Variants in VMP1 observed in about 807,000 individuals in gnomAD.
The protein encoded by VMP1 is ectopic P-granules autophagy protein 3 homolog.
In VMP1, 11 loss-of-function variants were observed where a neutral mutation model predicts 56.0. That is an observed-to-expected ratio of 0.20 (90% confidence interval 0.12 to 0.32). The LOEUF is 0.32. VMP1 is among the 10% of genes least tolerant of loss of function. The probability of loss-of-function intolerance (pLI) is 1.00; values close to 1 mark genes in which losing one functional copy is unlikely to be tolerated. For synonymous variants in VMP1, 149 were observed against 165.0 expected (o/e 0.90, Z 0.74); for missense variants, 296 against 490.3 (o/e 0.60, Z 3.74).
intron 3 of VMP1, among the ~76,000 whole-genome samples, chr17:59,736,113 A>G (rs1473001428): frequency 1.3e-5 from 2 of 152,168 alleles, no homozygotes; most frequent in African/African-American, 4.8e-5. Context: ...AAACAAGTAC[A>G]TTATTATAAA....
At chr17:59,779,815 C>T (rs1463317206) in intron 7 of VMP1, among the ~76,000 whole-genome samples, 2 of 152,150 alleles carry the variant, frequency 1.3e-5, no homozygotes, top group Non-Finnish European at 2.9e-5. Context: ...GAGTAGAAGA[C>T]TTATTTCATT....
intron 11 of VMP1, chr17:59,839,143 TGC>T (rs1598474583): frequency 6.6e-6 from 1 of 152,660 alleles, no homozygotes; most frequent in East Asian, 1.9e-4. Flanking sequence ...TCCAGGCACG[TGC>T]CACCACACCA....
At chr17:59,775,950 T>C (rs1347746017) in intron 7 of VMP1, among the ~76,000 whole-genome samples, 1 of 152,142 alleles carries the variant, frequency 6.6e-6, no homozygotes, top group East Asian at 1.9e-4. Context: ...TTTTTAAAAA[T>C]GCATTATTAC....
intron 10 of VMP1, among the ~76,000 whole-genome samples, chr17:59,824,666 A>C (rs1231266975): frequency 6.9e-6 from 1 of 144,474 alleles, no homozygotes; most frequent in Non-Finnish European, 1.5e-5. Flanking sequence ...TGAGGTCAGG[A>C]GTTCAAGACC....
intron 5 of VMP1, among the ~76,000 whole-genome samples, chr17:59,754,978 G>GCCCCCCCCCCCC (rs10646812): frequency 7.7e-6 from 1 of 129,968 alleles, no homozygotes; most frequent in Non-Finnish European, 1.6e-5. Context: ...ATTTATACTA[G>GCCCCCCCCCCCC]CCCCCCCCGC....
At chr17:59,809,781 C>T (rs937350427) in intron 8 of VMP1, among the ~76,000 whole-genome samples, 44 of 152,014 alleles carry the variant, frequency 2.9e-4, no homozygotes, top group Non-Finnish European at 5.4e-4. Context: ...ACTGGGATTA[C>T]AGGTGTGAGC....
At chr17:59,744,380 T>A (rs1375361414) in intron 5 of VMP1, among the ~76,000 whole-genome samples, 3 of 146,030 alleles carry the variant, frequency 2.1e-5, no homozygotes, top group Non-Finnish European at 4.5e-5. Context: ...GAGAATCAGT[T>A]GAACCCAGGA....
intron 7 of VMP1, among the ~76,000 whole-genome samples, chr17:59,800,655 G>A (rs1414507110): frequency 1.3e-5 from 2 of 152,166 alleles, no homozygotes; most frequent in African/African-American, 4.8e-5. Context: ...TGAACTGCAT[G>A]TCTGACAGTT....
chr17:59,772,774 A>G (rs1181759417), intron 6 of VMP1, among the ~76,000 whole-genome samples: 1 of 151,884 alleles, frequency 6.6e-6, no homozygotes, highest in African/African-American at 2.4e-5. Context: ...ATCTCAAAAA[A>G]AAAAAGAAAA....
chr17:59,731,321 G>A (rs555717452), intron 1 of VMP1, 100 bp from the exon 2 acceptor site: 1 of 657,596 alleles, frequency 1.5e-6, no homozygotes, highest in African/African-American at 1.9e-5. Flanking sequence ...ATATCATGTG[G>A]CTTATTACTG....
chr17:59,797,554 A>G lies in VMP1; in HGVS notation c.715-11242A>G, dbSNP rs551900844. Among the ~76,000 whole-genome samples the G allele has an allele frequency of 5.9e-5, 9 of 152,266 alleles. 1 individual carries two copies. The South Asian group carries it at 1.9e-3, about 32-fold the overall frequency. The stretch of plus-strand genomic sequence containing the variant: ...ATGTTAAGCCAAAGAAGCCAGACAT[A>G]AAAGAGGACATACTGTATAATTCCA... On this transcript the variant is annotated intron_variant, in intron 7 of 11. Transcript: ENST00000262291.
At chr17:59,722,165 T>C (rs1439354051) in intron 1 of VMP1, among the ~76,000 whole-genome samples, 1 of 152,168 alleles carries the variant, frequency 6.6e-6, no homozygotes, top group African/African-American at 2.4e-5. Flanking sequence ...ACCATATGAA[T>C]TTGGGGGGGC....
At chr17:59,829,546 C>T (rs2038747307) in intron 10 of VMP1, among the ~76,000 whole-genome samples, 1 of 152,136 alleles carries the variant, frequency 6.6e-6, no homozygotes, top group Non-Finnish European at 1.5e-5. Context: ...CTTTATCAGA[C>T]AGGAAATGAC....
At chr17:59,775,694 G>C (rs2036596648) in intron 7 of VMP1, among the ~76,000 whole-genome samples, 2 of 152,190 alleles carry the variant, frequency 1.3e-5, no homozygotes, top group South Asian at 4.1e-4. Context: ...GCCTCAGTCA[G>C]ATTAATGAAT....
At chr17:59,717,436 G>A (rs1222948318) in intron 1 of VMP1, among the ~76,000 whole-genome samples, 1 of 151,910 alleles carries the variant, frequency 6.6e-6, no homozygotes, top group East Asian at 1.9e-4. Context: ...AGGCAGGAGT[G>A]CAGTGGCACT....
chr17:59,728,478 G>A (rs1048124565), intron 1 of VMP1, among the ~76,000 whole-genome samples: 2 of 151,968 alleles, frequency 1.3e-5, no homozygotes, highest in African/African-American at 2.4e-5. Context: ...CACTGAATCC[G>A]CTCATAAAAT....
intron 10 of VMP1, among the ~76,000 whole-genome samples, chr17:59,820,728 A>G (rs565996966): frequency 9.2e-4 from 140 of 152,212 alleles, no homozygotes; most frequent in Non-Finnish European, 1.2e-3. Flanking sequence ...ATTTTTGTTT[A>G]CTGTTATGTC....
intron 1 of VMP1, among the ~76,000 whole-genome samples, chr17:59,724,316 A>G (rs896223952): frequency 3.3e-5 from 5 of 152,180 alleles, no homozygotes; most frequent in African/African-American, 1.2e-4. Context: ...AAAACAAAGA[A>G]TGAAATAGTT....
At chr17:59,806,939 G>T (rs2037861522) in intron 7 of VMP1, among the ~76,000 whole-genome samples, 1 of 151,568 alleles carries the variant, frequency 6.6e-6, no homozygotes, top group Non-Finnish European at 1.5e-5. Flanking sequence ...TTATTGGTTT[G>T]GTTTCTTTGA....
Sources: gnomAD v4.1 joint callset for allele counts (sites outside exome capture counted in the v4.1 genomes callset) on GRCh38, gnomAD v4.1.1 for gene constraint, MANE v1.5 for transcripts, NCBI Gene and HGNC (gene_info 2026-07-23, HGNC 2026-07-21) for gene names.